The following ASPH variants were observed in gnomAD, a reference collection of about 807,000 sequenced individuals.
ASPH encodes aspartyl/asparaginyl beta-hydroxylase.
In ASPH, 100 loss-of-function variants were observed where a neutral mutation model predicts 118.4. The ratio of observed to expected loss-of-function variants is 0.84; its 90% CI spans 0.72 to 1.00. The LOEUF (loss-of-function observed/expected upper bound fraction) is 1.00. Among genes scored for constraint, ASPH ranks in the 50% least tolerant of loss-of-function variants. ASPH has a pLI of 0.00. For synonymous variants in ASPH, 315 were observed against 325.6 expected (o/e 0.97, Z 0.35); for missense variants, 920 against 919.5 (o/e 1.00, Z -0.01).
intron 10 of ASPH, among the ~76,000 whole-genome samples, chr8:61,642,343 T>C (rs1805546735): frequency 6.6e-6 from 1 of 152,248 alleles, no homozygotes; most frequent in South Asian, 2.1e-4. Flanking sequence ...TTGGTTTTCT[T>C]GAATGACTGT....
chr8:61,579,234 G>A (rs888787916), intron 15 of ASPH: 99 of 1,613,738 alleles, frequency 6.1e-5, no homozygotes, highest in South Asian at 8.8e-5. Flanking sequence ...TGCAGATGCC[G>A]AGCAGCGTGG....
At chr8:61,579,298 T>C (rs1836570957) in intron 15 of ASPH, 1 of 1,614,190 alleles carries the variant, frequency 6.2e-7, no homozygotes, top group Non-Finnish European at 8.5e-7. Context: ...GAGGCTGCCC[T>C]GCAGCGGGCC....
At chr8:61,645,081 T>C (rs560309036) in intron 6 of ASPH, among the ~76,000 whole-genome samples, 3 of 152,322 alleles carry the variant, frequency 2.0e-5, no homozygotes, top group Admixed American at 6.5e-5. Flanking sequence ...GTAAATGTGT[T>C]GAACACTTAA....
chr8:61,684,333 T>C, intron 1 of ASPH, 145 bp from the exon 2 acceptor site: 1 of 824,126 alleles, frequency 1.2e-6, no homozygotes, highest in Non-Finnish European at 1.8e-6. Context: ...TCAAAACACG[T>C]CACACAAAAT....
At chr8:61,533,632 G>A (rs1818406771) in intron 21 of ASPH, among the ~76,000 whole-genome samples, 1 of 152,086 alleles carries the variant, frequency 6.6e-6, no homozygotes, top group South Asian at 2.1e-4. Flanking sequence ...TTTTTTAATT[G>A]GGGATCCTAA....
intron 19 of ASPH, 43 bp from the exon 20 acceptor site, chr8:61,553,163 C>T (rs747484562): frequency 7.0e-7 from 1 of 1,430,622 alleles, no homozygotes; most frequent in Non-Finnish European, 9.8e-7. Flanking sequence ...TAATTAAATA[C>T]CAGATTCCAT....
chr8:61,589,997 A>G (rs1235845824), intron 14 of ASPH, among the ~76,000 whole-genome samples: 2 of 152,164 alleles, frequency 1.3e-5, no homozygotes, highest in Non-Finnish European at 2.9e-5. Flanking sequence ...TTGTAACTCA[A>G]TCACAATCAG....
Position 61,503,614 on chromosome 8 carries a change from G to A in ASPH, c.2127-105C>T, listed in dbSNP as rs16918881. 180,955 of 1,119,410 alleles carry A rather than the reference G, an allele frequency of 0.16. 15,985 individuals carry two copies. The highest frequency in any genetic ancestry group is 0.38 in the East Asian group (14,001 of 36,836). The allele number at this position is 1,119,410 out of a possible 1,614,324, so 69.3% of individuals were successfully genotyped here. ...AGAACTACCTTTGGTAACAACCTTT[G>A]GGACATAACCAAATAACTAGAACAT... On this transcript the variant is annotated intron_variant, in intron 24 of 24. Coordinates refer to ENST00000379454, the MANE Select transcript of ASPH (RefSeq NM_004318.4).
At chr8:61,702,028 T>C (rs187722913) in intron 1 of ASPH, among the ~76,000 whole-genome samples, 2 of 152,286 alleles carry the variant, frequency 1.3e-5, no homozygotes, top group Admixed American at 6.5e-5. Context: ...ACTAAAACCA[T>C]ACACAACTTT....
intron 1 of ASPH, among the ~76,000 whole-genome samples, chr8:61,685,575 A>G (rs1028689022): frequency 1.3e-5 from 2 of 152,112 alleles, no homozygotes; most frequent in African/African-American, 4.8e-5. Flanking sequence ...GAATACTATT[A>G]GTAATTTCCA....
chr8:61,578,417 C>T, intron 15 of ASPH: 3 of 1,604,142 alleles, frequency 1.9e-6, no homozygotes. Flanking sequence ...TCACCGCAGT[C>T]ATGGTCAACC....
intron 14 of ASPH, among the ~76,000 whole-genome samples, chr8:61,600,144 A>G (rs567958987): frequency 6.6e-6 from 1 of 152,360 alleles, no homozygotes; most frequent in South Asian, 2.1e-4. Flanking sequence ...GACAAAAACC[A>G]TATGATCATC....
intron 20 of ASPH, among the ~76,000 whole-genome samples, chr8:61,548,857 G>A (rs1157324749): frequency 6.6e-6 from 1 of 152,168 alleles, no homozygotes; most frequent in African/African-American, 2.4e-5. Context: ...GATAACATGT[G>A]TGGCTTTAGG....
intron 1 of ASPH, among the ~76,000 whole-genome samples, chr8:61,691,840 A>G (rs1387323105): frequency 2.6e-5 from 4 of 152,220 alleles, no homozygotes; most frequent in Admixed American, 1.3e-4. Flanking sequence ...TGACTAGTGC[A>G]TAAATAACCT....
chr8:61,676,276 C>T, intron 3 of ASPH: 1 of 1,588,648 alleles, frequency 6.3e-7, no homozygotes, highest in Non-Finnish European at 8.5e-7. Flanking sequence ...TAAGGACTTC[C>T]TCAAGAGAAT....
At chr8:61,711,076 G>A (rs1023503296) in intron 1 of ASPH, among the ~76,000 whole-genome samples, 4 of 62,448 alleles carry the variant, frequency 6.4e-5, no homozygotes, top group Admixed American at 3.1e-4. Context: ...TATACAGACG[G>A]ATTAAATAAT....
intron 21 of ASPH, among the ~76,000 whole-genome samples, chr8:61,545,100 A>G (rs1212882817): frequency 2.0e-5 from 3 of 152,218 alleles, no homozygotes; most frequent in African/African-American, 7.2e-5. Context: ...TGAATCACTG[A>G]CTGCTGTGGT....
intron 3 of ASPH, among the ~76,000 whole-genome samples, chr8:61,670,186 A>G (rs1189454137): frequency 6.6e-6 from 1 of 152,130 alleles, no homozygotes; most frequent in Non-Finnish European, 1.5e-5. Flanking sequence ...AACAGTTAAC[A>G]AGAGTCCCTA....
intron 13 of ASPH, among the ~76,000 whole-genome samples, chr8:61,627,435 G>C (rs1003961741): frequency 1.3e-5 from 2 of 152,198 alleles, no homozygotes; most frequent in African/African-American, 4.8e-5. Flanking sequence ...GTATGACTCA[G>C]AGGTAGGAAG....
Sources: gnomAD v4.1 joint callset for allele counts (sites outside exome capture counted in the v4.1 genomes callset) on GRCh38, gnomAD v4.1.1 for gene constraint, MANE v1.5 for transcripts, NCBI Gene and HGNC (gene_info 2026-07-23, HGNC 2026-07-21) for gene names.